CLEC4F: variants seen among roughly 807,000 people sequenced by gnomAD.
CLEC4F encodes the protein C-type lectin domain family 4 member F, also known as C-type (calcium dependent, carbohydrate-recognition domain) lectin, superfamily member 13.
CLEC4F carries 45 observed loss-of-function variants against 53.4 expected under a neutral mutation model. The ratio of observed to expected loss-of-function variants is 0.84; its 90% CI spans 0.66 to 1.08. CLEC4F has a LOEUF of 1.08. Ranked by LOEUF, CLEC4F falls within the 50% of genes least tolerant of loss-of-function variation. CLEC4F has a pLI of 0.00. For missense variants in CLEC4F, 753 were observed against 698.2 expected, an observed-to-expected ratio of 1.08 and a Z score of -0.88; for synonymous variants, 245 against 257.5, an observed-to-expected ratio of 0.95 and a Z score of 0.46.
chr2:70,809,836 T>TTC lies in CLEC4F; in HGVS notation c.1560_1561insGA (p.Ser521GlufsTer49). The TTC allele has an allele frequency of 6.2e-7, 1 of 1,612,916 alleles. No individual in the cohort carries two copies. The highest frequency in any genetic ancestry group is 2.2e-5 in the East Asian group (1 of 44,876). On this transcript the variant is annotated frameshift_variant, in exon 6 of 7. Coordinates refer to ENST00000272367, the MANE Select transcript of CLEC4F (RefSeq NM_173535.3). LOFTEE classifies it high-confidence loss of function. Reference sequence around the variant, plus strand: ...AGACCGATCCAGTAGTACACTTTACTTGTGAACTCTACCAGAAATGCCTGC... The same window carrying TTC: ...AGACCGATCCAGTAGTACACTTTACTTCTGTGAACTCTACCAGAAATGCCTGC...
Position 70,819,606 on chromosome 2 carries a change from A to T in CLEC4F, c.179-162T>A, listed in dbSNP as rs532114709. Among the ~76,000 whole-genome samples, 5 of 152,260 alleles carry T rather than the reference A, an allele frequency of 3.3e-5. No individual in the cohort carries two copies. The East Asian group carries it at 9.6e-4, about 29-fold the overall frequency. ...CAGTTCTTGGGAGGCTCCCCCTTGG[A>T]CAGTGGCCTTTATCTGTTCCCAGGG... On this transcript the variant is annotated intron_variant, in intron 2 of 6. Transcript: ENST00000272367.
rs181605602 is a variant in CLEC4F, at chr2:70,809,422, A to G, written c.1659-40T>C. The stretch of plus-strand genomic sequence containing the variant: ...GGGAAAAAAACAGAAAGACCCACTC[A>G]CTGGCTGCATGCCAGCCTCAGGACC... On this transcript the variant is annotated intron_variant, in intron 6 of 6. Transcript: ENST00000272367. 1.8e-4 allele frequency: 287 copies of G among 1,557,316 alleles called. No homozygotes were observed. The African/African-American group carries it at 3.5e-3, about 19-fold the overall frequency.
upstream of CLEC4F, among the ~76,000 whole-genome samples, chr2:70,823,637 G>A (rs1333456255): frequency 6.6e-6 from 1 of 152,090 alleles, no homozygotes; most frequent in East Asian, 1.9e-4. Context: ...ATTTCCCACA[G>A]GAACACCATC....
chr2:70,816,322 G>T lies in CLEC4F; in HGVS notation c.1059C>A (p.Asp353Glu). 1 of 1,614,130 alleles carries T rather than the reference G, an allele frequency of 6.2e-7. No individual in the cohort carries two copies. The highest frequency in any genetic ancestry group is 8.5e-7 in the Non-Finnish European group (1 of 1,180,016). Reference protein sequence around the residue: ...AQTQKANGRLDQTDTQIQVFK... With the variant: ...AQTQKANGRLEQTDTQIQVFK... The stretch of plus-strand genomic sequence containing the variant: ...ATACCTGAATCTGAGTATCTGTCTG[G>T]TCCAGACGGCCATTTGCTTTTTGGG... Residue 353 changes from aspartate to glutamate, a missense_variant, in exon 4 of 7, where the codon GAC becomes GAA. Coordinates refer to ENST00000272367, the MANE Select transcript of CLEC4F (RefSeq NM_173535.3).
Position 70,812,535 on chromosome 2 carries a change from G to T in CLEC4F, c.1451C>A (p.Ser484Tyr), listed in dbSNP as rs1553394532. 6.2e-7 allele frequency: 1 copy of T among 1,614,188 alleles called. No homozygotes were observed. Among genetic ancestry groups the T allele is most frequent in the South Asian group, 1.1e-5 (1 of 91,088 alleles). Residue 484 changes from serine to tyrosine, a missense_variant, in exon 5 of 7, where the codon TCT (serine) becomes TAT (tyrosine). Physicochemically the swap from Ser to Tyr is moderately radical, Grantham distance 144. Transcript: ENST00000272367. ...CTCATGCCAAGACTTCTTGACACTA[G>T]AAAAATAATATAAGCTTCCACCATT... is the stretch of plus-strand genomic sequence containing the variant. ...KFNGGSLYYF[S>Y]SVKKSWHEAE...
At chr2:70,823,076 G>C (rs1463214040), upstream of CLEC4F, among the ~76,000 whole-genome samples, 1 of 152,176 alleles carries the variant, frequency 6.6e-6, no homozygotes, top group African/African-American at 2.4e-5. Flanking sequence ...GACAGGAAGG[G>C]AGCGGTTGCC....
Position 70,816,385 on chromosome 2 carries a change from G to A in CLEC4F, c.996C>T (p.His332=), listed in dbSNP as rs186061685. 2.1e-5 allele frequency: 34 copies of A among 1,613,690 alleles called. No individual in the cohort carries two copies. Among genetic ancestry groups the A allele is most frequent in the African/African-American group, 4.0e-5 (3 of 74,966 alleles). ...CCATTTTCAAATCCCTTTTTAACAC[G>A]TGAATTTCATCACCAGCTCTTTCCA... ...GHLERAGDEI[H]VLKRDLKMVT... Residue 332 remains histidine, a synonymous_variant, in exon 4 of 7, where the codon CAC becomes CAT. Transcript: ENST00000272367.
At chr2:70,822,682 C>T (rs542368470), upstream of CLEC4F, among the ~76,000 whole-genome samples, 3 of 152,312 alleles carry the variant, frequency 2.0e-5, no homozygotes, top group East Asian at 5.8e-4. Context: ...TTCAAACGGT[C>T]ACAATCTTTT....
chr2:70,812,804 G>A (rs1476236014), intron 4 of CLEC4F, among the ~76,000 whole-genome samples: 1 of 152,134 alleles, frequency 6.6e-6, no homozygotes, highest in Non-Finnish European at 1.5e-5. Flanking sequence ...AAGACGCCTG[G>A]CTTGGGCACT....
chr2:70,812,583 A>G lies in CLEC4F; in HGVS notation c.1403T>C (p.Met468Thr). The G allele has an allele frequency of 6.2e-7, 1 of 1,614,142 alleles. No homozygotes were observed. The change falls in exon 5 of 7, where the codon ATG (methionine) becomes ACG (threonine). Residue 468 changes from methionine (M) to threonine (T), a missense_variant. Coordinates refer to ENST00000272367, the MANE Select transcript of CLEC4F (RefSeq NM_173535.3). ...ATTGAACTTCCAGCCTTGCAGGACC[A>G]TCTGGAGAAGCTGACCTGGAGCAAA... ...LQRTQSQLLQ[M>T]VLQGWKFNGG... is the part of the protein sequence containing the mutation.
upstream of CLEC4F, among the ~76,000 whole-genome samples, chr2:70,822,245 G>T (rs1297347278): frequency 6.6e-6 from 1 of 152,204 alleles, no homozygotes; most frequent in Non-Finnish European, 1.5e-5. Flanking sequence ...GAATCGGCTG[G>T]TGTCAGGAAA....
intron 5 of CLEC4F, 22 bp from the exon 6 acceptor site, chr2:70,809,879 A>C (rs532308950): frequency 1.3e-6 from 2 of 1,564,340 alleles, no homozygotes; most frequent in Admixed American, 1.7e-5. Flanking sequence ...AGGCAGTGTC[A>C]GTTTGCCCCT....
At chr2:70,809,947 T>G (rs367995245) in intron 5 of CLEC4F, 90 bp from the exon 6 acceptor site, 11 of 780,368 alleles carry the variant, frequency 1.4e-5, no homozygotes, top group East Asian at 9.8e-5. Context: ...GATATACACA[T>G]AATTATATAT....
chr2:70,816,475 G>C lies in CLEC4F; in HGVS notation c.906C>G (p.Thr302=), dbSNP rs114209954. ...CAAAACTGCTTTTTATAAAGGCCTG[G>C]GTCTGGGAGTTTAAAGCATTTGTGT... ...LQNTNALNSQ[T]QAFIKSSFDN... The change falls in exon 4 of 7, where the codon ACC becomes ACG. Residue 302 remains threonine (T), a synonymous_variant. Transcript: ENST00000272367. The C allele has an allele frequency of 2.2e-3, 3,517 of 1,614,062 alleles. 80 individuals carry two copies. In the African/African-American group the frequency reaches 0.042, roughly 19 times the overall value.
intron 5 of CLEC4F, among the ~76,000 whole-genome samples, chr2:70,811,681 A>C (rs1553394307): frequency 6.6e-6 from 1 of 152,116 alleles, no homozygotes; most frequent in African/African-American, 2.4e-5. Context: ...CTGGGACGGT[A>C]TTGCGTTTGG....
Position 70,808,770 on chromosome 2 carries a change from G to A in CLEC4F, c.*501C>T. ...CACTGATGTCACTGGGTCACTCGAG[G>A]TAAGCATGTTTGAAAGGGCTGAATC... On this transcript the variant is annotated 3_prime_UTR_variant, in exon 7 of 7. Coordinates refer to ENST00000272367, the MANE Select transcript of CLEC4F (RefSeq NM_173535.3). 1 of 382,916 alleles carries A rather than the reference G, an allele frequency of 2.6e-6. No homozygotes were observed. The highest frequency in any genetic ancestry group is 4.9e-6 in the Non-Finnish European group (1 of 202,728). 23.7% of individuals were successfully genotyped at this position (382,916 alleles called of 1,614,324 possible).
rs940891883 is a variant in CLEC4F at position 70,816,412 on chromosome 2, A to G, written c.969T>C (p.His323=). The change falls in exon 4 of 7, where the codon CAT becomes CAC. Residue 323 remains histidine, a synonymous_variant. Transcript: ENST00000272367. ...TSAEIQFLRG[H]LERAGDEIHV... is the part of the protein sequence containing the mutation. ...GAATTTCATCACCAGCTCTTTCCAA[A>G]TGACCTCTTAAGAACTGGATCTCAG... 9.3e-6 allele frequency: 15 copies of G among 1,613,846 alleles called. No homozygotes were observed. Among genetic ancestry groups the G allele is most frequent in the Non-Finnish European group, 1.1e-5 (13 of 1,179,958 alleles).
chr2:70,812,637 G>T, intron 4 of CLEC4F, 39 bp from the exon 5 acceptor site: 1 of 1,606,708 alleles, frequency 6.2e-7, no homozygotes, highest in Non-Finnish European at 8.5e-7. Context: ...ACCAGGAGCT[G>T]CTGGTAGGAG....
chr2:70,809,433 G>T, intron 6 of CLEC4F, 51 bp from the exon 7 acceptor site: 2 of 1,534,218 alleles, frequency 1.3e-6, no homozygotes, highest in East Asian at 2.3e-5. Context: ...CTGGCTGCAT[G>T]CCAGCCTCAG....
Sources: allele counts gnomAD v4.1 joint callset (sites outside exome capture counted in the v4.1 genomes callset), GRCh38; gene constraint gnomAD v4.1.1; transcripts MANE v1.5; gene names NCBI Gene and HGNC (gene_info 2026-07-23, HGNC 2026-07-21).